Variants in AGL observed in about 807,000 individuals in gnomAD.
The protein encoded by AGL is amylo-alpha-1,6-glucosidase and 4-alpha-glucanotransferase, also known as glycogen debranching enzyme.
AGL carries 128 observed loss-of-function variants against 199.3 expected under a neutral mutation model. The observed-to-expected ratio is 0.64, with a 90% CI of 0.56 to 0.74. AGL has a LOEUF of 0.74. Ranked by LOEUF, AGL falls within the 30% of genes least tolerant of loss-of-function variation. The pLI, the probability that AGL is intolerant of heterozygous loss-of-function variation, is 0.00. For synonymous variants in AGL, 584 were observed against 594.7 expected, an observed-to-expected ratio of 0.98 and a Z score of 0.26; for missense variants, 1,809 against 1,820.8, an observed-to-expected ratio of 0.99 and a Z score of 0.12.
chr1:99,878,307 T>C (rs1168976896), intron 12 of AGL, among the ~76,000 whole-genome samples: 1 of 152,044 alleles, frequency 6.6e-6, no homozygotes, highest in East Asian at 1.9e-4. Flanking sequence ...ATCACACCAC[T>C]GCACTCCAGC....
chr1:99,898,213 A>G (rs905657895), intron 25 of AGL, among the ~76,000 whole-genome samples: 21 of 151,850 alleles, frequency 1.4e-4, no homozygotes, highest in African/African-American at 4.1e-4. Flanking sequence ...CACCCGGCTA[A>G]TTTTTTGTAT....
At chr1:99,893,636 C>T (rs1363572648) in intron 24 of AGL, among the ~76,000 whole-genome samples, 1 of 152,158 alleles carries the variant, frequency 6.6e-6, no homozygotes, top group Non-Finnish European at 1.5e-5. Context: ...TCAAAATATA[C>T]ACTTTAAACG....
intron 10 of AGL, 144 bp downstream of exon 10, chr1:99,875,599 G>C (rs1469909854): frequency 4.0e-6 from 3 of 756,306 alleles, no homozygotes; most frequent in South Asian, 3.3e-5. Flanking sequence ...TTGGACATAG[G>C]CTTAATATTA....
chr1:99,882,335 GTATATGTA>G lies in AGL; in HGVS notation c.2308+652_2308+659del, dbSNP rs560749589. ...GAACAATATGTATATTTGTGTTAGT[GTATATGTA>G]TATATGTGTATAAATGTCTTTGTGT... On this transcript the variant is annotated intron_variant, in intron 17 of 33. Coordinates refer to ENST00000361915, the MANE Select transcript of AGL (RefSeq NM_000642.3). Among the ~76,000 whole-genome samples the G allele has an allele frequency of 4.9e-4, 74 of 152,206 alleles. 1 individual carries two copies. In the South Asian group the frequency reaches 5.6e-3, roughly 12 times the overall value.
chr1:99,895,341 A>G (rs1653214114), intron 24 of AGL, among the ~76,000 whole-genome samples: 1 of 152,200 alleles, frequency 6.6e-6, no homozygotes, highest in Admixed American at 6.5e-5. Flanking sequence ...TGCACCATTA[A>G]TCATACTATT....
chr1:99,911,965 GT>G (rs1283476916), intron 28 of AGL, among the ~76,000 whole-genome samples: 1 of 152,034 alleles, frequency 6.6e-6, no homozygotes, highest in East Asian at 1.9e-4. Flanking sequence ...TGCTTTACCA[GT>G]TTTTTAAAAA....
rs1209307929 is a variant in AGL at position 99,857,681 on chromosome 1, G to A, written c.83-3822G>A. 9.9e-5 allele frequency among the ~76,000 whole-genome samples: 15 copies of A among 151,114 alleles called. No homozygotes were observed. In the South Asian group the frequency reaches 1.7e-3, roughly 17 times the overall value. ...ACGAAAACCAGTCAGGCGTGGCGGC[G>A]CGCGCCTGCAATCGCAGGCACTCGG... On this transcript the variant is annotated intron_variant, in intron 2 of 33. Transcript: ENST00000361915.
At chr1:99,892,942 A>G (rs1470817149) in intron 24 of AGL, among the ~76,000 whole-genome samples, 3 of 152,182 alleles carry the variant, frequency 2.0e-5, no homozygotes, top group East Asian at 3.9e-4. Flanking sequence ...AATAAACCCA[A>G]TCTTGTAATT....
intron 24 of AGL, 94 bp downstream of exon 24, chr1:99,892,701 T>C (rs1406590382): frequency 5.6e-6 from 7 of 1,248,816 alleles, no homozygotes; most frequent in Non-Finnish European, 8.0e-6. Context: ...AAGCTTGTAA[T>C]GCTACTCAAG....
intron 25 of AGL, among the ~76,000 whole-genome samples, chr1:99,900,338 A>G (rs1249780946): frequency 1.4e-4 from 21 of 152,242 alleles, no homozygotes; most frequent in Admixed American, 1.4e-3. Flanking sequence ...CTTCAAAAGT[A>G]GAATCTGGAG....
intron 7 of AGL, among the ~76,000 whole-genome samples, chr1:99,872,099 C>T (rs1651069603): frequency 1.3e-5 from 2 of 151,888 alleles, no homozygotes. Context: ...TTCTTTTAAC[C>T]TCTGTATAGC....
At chr1:99,866,844 G>T (rs1650559719) in intron 5 of AGL, among the ~76,000 whole-genome samples, 2 of 146,324 alleles carry the variant, frequency 1.4e-5, no homozygotes, top group Admixed American at 6.8e-5. Flanking sequence ...TTGAGATGGA[G>T]TTTCACTCTT....
chr1:99,851,308 A>AG (rs1281330084), intron 2 of AGL, among the ~76,000 whole-genome samples, 184 bp downstream of exon 2: 1 of 152,244 alleles, frequency 6.6e-6, no homozygotes, highest in Non-Finnish European at 1.5e-5. Flanking sequence ...TGAATTAAAA[A>AG]TATTTTATAT....
intron 7 of AGL, among the ~76,000 whole-genome samples, chr1:99,873,859 G>GT (rs1329063061): frequency 1.3e-5 from 2 of 151,956 alleles, no homozygotes; most frequent in African/African-American, 4.8e-5. Flanking sequence ...CCATTATTTT[G>GT]TTTTTTTGTT....
chr1:99,905,377 T>A (rs1448075329), intron 27 of AGL, among the ~76,000 whole-genome samples: 1 of 109,892 alleles, frequency 9.1e-6, no homozygotes, highest in African/African-American at 3.3e-5. Flanking sequence ...TTGTATTTGT[T>A]GTTGTTGTTG....
intron 5 of AGL, among the ~76,000 whole-genome samples, chr1:99,867,737 G>A (rs774593633): frequency 1.3e-5 from 2 of 151,790 alleles, no homozygotes; most frequent in African/African-American, 4.8e-5. Flanking sequence ...TATATTTTTA[G>A]TAGAGTTGGA....
In AGL at chr1:99,923,660, T is replaced by TA. The variant is rs1365531015; in HGVS notation, c.*2013dup. ...TAAACATTATTTCCTCTATGGTAGT[T>TA]AAAATACAGAATTAGATTTTTAACA... On this transcript the variant is annotated 3_prime_UTR_variant, in exon 34 of 34. Transcript: ENST00000361915. The TA allele has an allele frequency of 6.6e-6, 1 of 152,222 alleles. No homozygotes were observed. Among genetic ancestry groups the TA allele is most frequent in the African/African-American group, 2.4e-5 (1 of 41,466 alleles). The allele number at this position is 152,222 out of a possible 1,614,324, so 9.4% of individuals were successfully genotyped here.
At chr1:99,904,919 G>A (rs1654141447) in intron 27 of AGL, among the ~76,000 whole-genome samples, 1 of 152,132 alleles carries the variant, frequency 6.6e-6, no homozygotes, top group Admixed American at 6.5e-5. Context: ...GCTAATACGA[G>A]TAAAGCTACT....
rs574183079 is a variant in AGL, at chr1:99,912,486, C to T, written c.3918C>T (p.Phe1306=). Residue 1306 remains phenylalanine, a synonymous_variant, in exon 29 of 34, where the codon TTC becomes TTT. Coordinates refer to ENST00000361915, the MANE Select transcript of AGL (RefSeq NM_000642.3). ...TGGAATTATCCAAAAAAAATATTTTCCCTTATCATGAAGTCACAGTAAAAA... is the reference window on the plus strand; with the variant it reads ...TGGAATTATCCAAAAAAAATATTTTTCCTTATCATGAAGTCACAGTAAAAA... The part of the protein sequence containing the change: ...WLLELSKKNI[F]PYHEVTVKRH... 3 of 1,613,718 alleles carry T rather than the reference C, an allele frequency of 1.9e-6. No homozygotes were observed. The South Asian group carries it at 3.3e-5, about 18-fold the overall frequency.
Sources: allele counts gnomAD v4.1 joint callset (sites outside exome capture counted in the v4.1 genomes callset), GRCh38; gene constraint gnomAD v4.1.1; transcripts MANE v1.5; gene names NCBI Gene and HGNC (gene_info 2026-07-23, HGNC 2026-07-21).